The following CADM2 variants were observed in gnomAD, a reference collection of about 807,000 sequenced individuals.
CADM2 encodes immunoglobulin superfamily member 4D.
CADM2 carries 12 observed loss-of-function variants against 49.8 expected under a neutral mutation model. That is an observed-to-expected ratio of 0.24 (90% CI 0.15 to 0.39). The LOEUF (loss-of-function observed/expected upper bound fraction) is 0.39, where lower values mean the gene tolerates loss of function less well. CADM2 is among the 10% of genes least tolerant of loss of function. CADM2 has a pLI of 1.00. For synonymous variants in CADM2, 214 were observed against 175.4 expected (o/e 1.22, Z -1.74); for missense variants, 378 against 492.3 (o/e 0.77, Z 2.20).
intron 1 of CADM2, among the ~76,000 whole-genome samples, chr3:85,574,103 G>T (rs10511080): frequency 0.043 from 6,527 of 152,252 alleles, 468 homozygotes; most frequent in African/African-American, 0.15. Context: ...ATCAGACTTT[G>T]TTAGGTTGAA....
chr3:85,651,900 C>G (rs1291782722), intron 1 of CADM2, among the ~76,000 whole-genome samples: 3 of 151,002 alleles, frequency 2.0e-5, no homozygotes, highest in Non-Finnish European at 4.4e-5. Flanking sequence ...TCACTGCAAG[C>G]TCTGCCTCCC....
At chr3:85,568,397 C>CTT (rs1491526607) in intron 1 of CADM2, among the ~76,000 whole-genome samples, 2 of 52,026 alleles carry the variant, frequency 3.8e-5, no homozygotes, top group African/African-American at 8.6e-5. Flanking sequence ...TCCTTCCTCC[C>CTT]TCTTTCTTTC....
intron 1 of CADM2, among the ~76,000 whole-genome samples, chr3:85,179,698 T>C (rs753527683): frequency 5.9e-5 from 9 of 152,116 alleles, no homozygotes; most frequent in African/African-American, 9.7e-5. Context: ...GGTTTTTGGA[T>C]AGATTTTTTT....
At chr3:86,013,709 A>G in intron 8 of CADM2, 1 of 1,599,184 alleles carries the variant, frequency 6.3e-7, no homozygotes, top group South Asian at 1.1e-5. Context: ...ATAGCCTAAG[A>G]GAGGAATTTA....
chr3:85,500,327 A>G (rs935364599), intron 1 of CADM2, among the ~76,000 whole-genome samples: 19 of 152,186 alleles, frequency 1.2e-4, no homozygotes, highest in Admixed American at 3.3e-4. Context: ...CTAGTTAATC[A>G]GTTTAAAAAT....
intron 1 of CADM2, among the ~76,000 whole-genome samples, chr3:85,663,567 C>T (rs1236087372): frequency 2.0e-5 from 3 of 152,000 alleles, no homozygotes; most frequent in Non-Finnish European, 4.4e-5. Flanking sequence ...TTCTGTCTTG[C>T]TATTACTAGC....
At chr3:85,524,392 A>T (rs892125794) in intron 1 of CADM2, among the ~76,000 whole-genome samples, 6 of 152,034 alleles carry the variant, frequency 3.9e-5, no homozygotes, top group Non-Finnish European at 5.9e-5. Flanking sequence ...ACCCATTGTG[A>T]CACCTTGTTT....
chr3:85,942,382 G>A (rs1316935600), intron 7 of CADM2, among the ~76,000 whole-genome samples: 1 of 151,694 alleles, frequency 6.6e-6, no homozygotes, highest in Non-Finnish European at 1.5e-5. Flanking sequence ...TGTGCATATT[G>A]TGCAGGTTAG....
At chr3:85,270,406 A>G (rs1357185054) in intron 1 of CADM2, among the ~76,000 whole-genome samples, 1 of 151,484 alleles carries the variant, frequency 6.6e-6, no homozygotes, top group East Asian at 1.9e-4. Flanking sequence ...CATAGTCTAG[A>G]CATTTTGTGT....
Position 85,030,009 on chromosome 3 carries a change from C to A in CADM2, c.61+70341C>A, listed in dbSNP as rs555464568. Among the ~76,000 whole-genome samples, 114 of 152,318 alleles carry A rather than the reference C, an allele frequency of 7.5e-4. 1 individual carries two copies. The highest frequency in any genetic ancestry group is 5.1e-4 in the Non-Finnish European group (35 of 68,018). ...TTCAATAAACCGCAGATGTCAAATT[C>A]TTAACTCTCACAGATTTGTTTTTTT... On this transcript the variant is annotated intron_variant, in intron 1 of 9. Transcript: ENST00000383699.
chr3:85,842,702 C>T (rs1240777507), intron 3 of CADM2, among the ~76,000 whole-genome samples: 1 of 152,078 alleles, frequency 6.6e-6, no homozygotes, highest in East Asian at 1.9e-4. Flanking sequence ...AGGGTGTCCC[C>T]TATATTTTAA....
intron 1 of CADM2, among the ~76,000 whole-genome samples, chr3:85,624,635 T>C (rs774324041): frequency 9.9e-5 from 15 of 152,102 alleles, no homozygotes; most frequent in Non-Finnish European, 1.8e-4. Flanking sequence ...CCCTGCCTTG[T>C]TTGGAGGAAC....
chr3:85,299,835 C>T (rs1183470039), intron 1 of CADM2, among the ~76,000 whole-genome samples: 1 of 152,080 alleles, frequency 6.6e-6, no homozygotes, highest in Non-Finnish European at 1.5e-5. Context: ...GAGACCATTA[C>T]TGTGTAGTCC....
intron 1 of CADM2, among the ~76,000 whole-genome samples, chr3:85,294,364 C>A (rs1192844354): frequency 6.6e-6 from 1 of 151,886 alleles, no homozygotes; most frequent in Non-Finnish European, 1.5e-5. Context: ...GCCATACTGC[C>A]CAAGGTAATT....
chr3:85,049,633 A>G (rs1019144655), intron 1 of CADM2, among the ~76,000 whole-genome samples: 1 of 85,452 alleles, frequency 1.2e-5, no homozygotes, highest in African/African-American at 2.8e-5. Context: ...TACAAGTATG[A>G]GCTACTGTGC....
At chr3:85,531,993 C>T (rs1004623321) in intron 1 of CADM2, among the ~76,000 whole-genome samples, 28 of 152,048 alleles carry the variant, frequency 1.8e-4, no homozygotes, top group African/African-American at 4.3e-4. Context: ...CTGGCAAACA[C>T]GGTGAAACCC....
At chr3:85,916,532 T>G (rs1321057338) in intron 6 of CADM2, among the ~76,000 whole-genome samples, 1 of 151,992 alleles carries the variant, frequency 6.6e-6, no homozygotes, top group Non-Finnish European at 1.5e-5. Flanking sequence ...TAGTATTCCA[T>G]GGTGTATATG....
At chr3:85,431,640 C>A (rs1465549071) in intron 1 of CADM2, among the ~76,000 whole-genome samples, 2 of 150,670 alleles carry the variant, frequency 1.3e-5, no homozygotes, top group Non-Finnish European at 3.0e-5. Context: ...TTATTTGGAG[C>A]CTAAACAAGC....
At chr3:84,979,744 T>A (rs1056001215) in intron 1 of CADM2, among the ~76,000 whole-genome samples, 6 of 152,190 alleles carry the variant, frequency 3.9e-5, no homozygotes, top group African/African-American at 1.4e-4. Context: ...TAGATTTTTA[T>A]TAAGAAATAA....
Sources: gnomAD v4.1 joint callset for allele counts (sites outside exome capture counted in the v4.1 genomes callset) on GRCh38, gnomAD v4.1.1 for gene constraint, MANE v1.5 for transcripts, NCBI Gene and HGNC (gene_info 2026-07-23, HGNC 2026-07-21) for gene names.